Variants in DCBLD1 observed in about 807,000 individuals in gnomAD.
DCBLD1 encodes the protein discoidin, CUB and LCCL domain containing 1.
In DCBLD1, 57 loss-of-function variants were observed where a neutral mutation model predicts 71.5. The ratio of observed to expected loss-of-function variants is 0.80; its 90% CI spans 0.64 to 0.99. The LOEUF is 0.99. Ranked by LOEUF, DCBLD1 falls within the 50% of genes least tolerant of loss-of-function variation. The probability of loss-of-function intolerance (pLI) is 0.00; values close to 1 mark genes in which losing one functional copy is unlikely to be tolerated. For missense variants in DCBLD1, 891 were observed against 923.5 expected, an observed-to-expected ratio of 0.96 and a Z score of 0.46; for synonymous variants, 380 against 363.8, an observed-to-expected ratio of 1.04 and a Z score of -0.51.
intron 11 of DCBLD1, 70 bp from the exon 12 acceptor site, chr6:117,543,054 C>A: frequency 7.8e-7 from 1 of 1,284,232 alleles, no homozygotes; most frequent in Non-Finnish European, 1.1e-6. Flanking sequence ...ATTCCATGTT[C>A]AGTTTTAAAT....
chr6:117,548,452 A>T lies in DCBLD1; in HGVS notation c.*13A>T. 1.3e-6 allele frequency: 2 copies of T among 1,550,396 alleles called. No homozygotes were observed. Among genetic ancestry groups the T allele is most frequent in the Non-Finnish European group, 1.7e-6 (2 of 1,146,992 alleles). Reference sequence around the variant, plus strand: ...TGCCCTTTTGTGAACACAATGTGAAAGAAGCCTGCTGTGGTACTGAGCGTC... The same window carrying T: ...TGCCCTTTTGTGAACACAATGTGAATGAAGCCTGCTGTGGTACTGAGCGTC... On this transcript the variant is annotated 3_prime_UTR_variant, in exon 15 of 15. Coordinates refer to ENST00000338728, the MANE Select transcript of DCBLD1 (RefSeq NM_001366458.2).
intron 5 of DCBLD1, among the ~76,000 whole-genome samples, chr6:117,530,616 G>A (rs1471520120): frequency 6.6e-6 from 1 of 152,194 alleles, no homozygotes; most frequent in Non-Finnish European, 1.5e-5. Flanking sequence ...CCAGAGGAAT[G>A]GGAAGCCAGG....
chr6:117,560,002 C>A (rs1170832136), intron 14 of DCBLD1, among the ~76,000 whole-genome samples: 1 of 152,166 alleles, frequency 6.6e-6, no homozygotes, highest in Non-Finnish European at 1.5e-5. Flanking sequence ...TCAAGTAATT[C>A]ATTTACAAGT....
intron 2 of DCBLD1, among the ~76,000 whole-genome samples, chr6:117,510,922 T>C (rs774007341): frequency 6.6e-6 from 1 of 152,222 alleles, no homozygotes; most frequent in Non-Finnish European, 1.5e-5. Flanking sequence ...TTAGCGTTAC[T>C]ACCTCATTTA....
At chr6:117,483,583 G>GAGTT (rs1384192030) in intron 1 of DCBLD1, among the ~76,000 whole-genome samples, 1 of 152,188 alleles carries the variant, frequency 6.6e-6, no homozygotes, top group African/African-American at 2.4e-5. Flanking sequence ...CTTTGACTTG[G>GAGTT]AGTTAGACCT....
chr6:117,563,412 A>C, intron 14 of DCBLD1: 1 of 1,610,292 alleles, frequency 6.2e-7, no homozygotes, highest in Non-Finnish European at 8.5e-7. Context: ...AAAAAAGCAG[A>C]CACTTTCTGG....
intron 1 of DCBLD1, among the ~76,000 whole-genome samples, chr6:117,485,778 A>G (rs962031199): frequency 6.6e-5 from 10 of 152,256 alleles, no homozygotes; most frequent in Non-Finnish European, 1.5e-4. Context: ...ATAAAGGTGT[A>G]CATCTGCTGC....
chr6:117,512,995 A>G (rs1194236089), intron 2 of DCBLD1, among the ~76,000 whole-genome samples: 4 of 152,200 alleles, frequency 2.6e-5, no homozygotes, highest in Non-Finnish European at 5.9e-5. Flanking sequence ...ACTTAGTTTT[A>G]TTAGTTTTAA....
chr6:117,487,566 G>T (rs1777133357), intron 1 of DCBLD1, among the ~76,000 whole-genome samples: 1 of 152,200 alleles, frequency 6.6e-6, no homozygotes. Flanking sequence ...AGTGGTTGCA[G>T]TGAGCTGAGA....
intron 6 of DCBLD1, among the ~76,000 whole-genome samples, chr6:117,533,513 C>T (rs1721475529): frequency 6.6e-6 from 1 of 152,116 alleles, no homozygotes; most frequent in Admixed American, 6.5e-5. Context: ...TTTTCCTTCC[C>T]CCTCCTACTT....
At chr6:117,494,589 G>A (rs908846138) in intron 1 of DCBLD1, among the ~76,000 whole-genome samples, 1 of 147,486 alleles carries the variant, frequency 6.8e-6, no homozygotes, top group South Asian at 2.1e-4. Flanking sequence ...GTACAAACAA[G>A]TTTTTTTTTT....
rs758199251 is a variant in DCBLD1, at chr6:117,569,562, G to A, written c.1616-58G>A. The A allele has an allele frequency of 8.7e-6, 14 of 1,611,370 alleles. No homozygotes were observed. In the South Asian group the frequency reaches 1.5e-4, roughly 18 times the overall value. On this transcript the variant is annotated intron_variant, in intron 14 of 14. Coordinates refer to the DCBLD1 transcript ENST00000296955. Reference sequence around the variant, plus strand: ...ATAGATCCAGTTCTAATTACATGAAGGGAATTTACCTGCTGAGAAAGAATA... The same window carrying A: ...ATAGATCCAGTTCTAATTACATGAAAGGAATTTACCTGCTGAGAAAGAATA...
At chr6:117,560,315 T>TATC (rs1228331009) in intron 14 of DCBLD1, 2 of 177,458 alleles carry the variant, frequency 1.1e-5, no homozygotes, top group Non-Finnish European at 2.4e-5. Flanking sequence ...ATGAGATCAA[T>TATC]ATCATTTTAA....
chr6:117,517,746 G>T (rs1246339405), intron 2 of DCBLD1, among the ~76,000 whole-genome samples: 1 of 152,168 alleles, frequency 6.6e-6, no homozygotes, highest in African/African-American at 2.4e-5. Context: ...TGAAGTCCTG[G>T]CCCGAGTTCT....
At chr6:117,528,478 A>G (rs1466410298) in intron 5 of DCBLD1, among the ~76,000 whole-genome samples, 3 of 152,236 alleles carry the variant, frequency 2.0e-5, no homozygotes, top group Non-Finnish European at 4.4e-5. Context: ...CTTTTAAAAC[A>G]TTGCCAACAC....
intron 6 of DCBLD1, 118 bp downstream of exon 6, chr6:117,532,511 G>GA: frequency 7.7e-7 from 1 of 1,296,122 alleles, no homozygotes; most frequent in Non-Finnish European, 1.0e-6. Flanking sequence ...TTGTCAACTG[G>GA]AAAAATATGC....
At chr6:117,490,981 C>G (rs1291741293) in intron 1 of DCBLD1, among the ~76,000 whole-genome samples, 2 of 151,882 alleles carry the variant, frequency 1.3e-5, no homozygotes. Context: ...TTATTTCTGA[C>G]AAAAAACAAG....
intron 14 of DCBLD1, among the ~76,000 whole-genome samples, chr6:117,556,925 G>C (rs1417142511): frequency 2.0e-5 from 3 of 152,214 alleles, no homozygotes; most frequent in Admixed American, 2.0e-4. Flanking sequence ...ATTGGTGTAA[G>C]ATGATATCTC....
rs976571207 is a variant in DCBLD1, at chr6:117,525,521, T to A, written c.585+87T>A. 66 of 1,013,014 alleles carry A rather than the reference T, an allele frequency of 6.5e-5. No individual in the cohort carries two copies. In the African/African-American group the frequency reaches 1.1e-3, roughly 17 times the overall value. The allele number at this position is 1,013,014 out of a possible 1,614,324, so 62.8% of individuals were successfully genotyped here. Reference sequence around the variant, plus strand: ...AAATTAATTACTGAGTAAAGTCAAATGAGATATAAAACTCTAGATAGATGC... The same window carrying A: ...AAATTAATTACTGAGTAAAGTCAAAAGAGATATAAAACTCTAGATAGATGC... On this transcript the variant is annotated intron_variant, in intron 5 of 14. Coordinates refer to ENST00000338728, the MANE Select transcript of DCBLD1 (RefSeq NM_001366458.2).
Sources: gnomAD v4.1 joint callset for allele counts (sites outside exome capture counted in the v4.1 genomes callset) on GRCh38, gnomAD v4.1.1 for gene constraint, MANE v1.5 for transcripts, NCBI Gene and HGNC (gene_info 2026-07-23, HGNC 2026-07-21) for gene names.